Variants in AGAP1 observed in about 807,000 individuals in gnomAD.
AGAP1 encodes the protein arf-GAP with GTPase, ANK repeat and PH domain-containing protein 1.
Under a neutral mutation model 105.3 loss-of-function variants are expected in AGAP1, and 29 were observed. The ratio of observed to expected loss-of-function variants is 0.28; its 90% CI spans 0.21 to 0.38. The LOEUF (loss-of-function observed/expected upper bound fraction) is 0.38, where lower values mean the gene tolerates loss of function less well. Among genes scored for constraint, AGAP1 ranks in the 10% least tolerant of loss-of-function variants. The pLI is 1.00. For synonymous variants in AGAP1, 509 were observed against 485.9 expected, an observed-to-expected ratio of 1.05 and a Z score of -0.63; for missense variants, 998 against 1,165.1, an observed-to-expected ratio of 0.86 and a Z score of 2.09.
rs1230384583 is a variant in AGAP1 at position 235,958,032 on chromosome 2, CCT to C, written c.1484-10423_1484-10422del. Among the ~76,000 whole-genome samples, 3 of 152,286 alleles carry C rather than the reference CCT, an allele frequency of 2.0e-5. No individual in the cohort carries two copies. The highest frequency in any genetic ancestry group is 3.9e-4 in the East Asian group (2 of 5,178). The stretch of plus-strand genomic sequence containing the variant: ...CCGATACATACGTGCTTAGCATTTT[CCT>C]CTCTCTTTTCTTTTGTCTTTCTTTT... On this transcript the variant is annotated intron_variant, in intron 12 of 17. Transcript: ENST00000304032. The surrounding 1 kb of genome is among the most constrained non-coding windows in gnomAD (Gnocchi z 4.1).
rs1273044194 is a variant in AGAP1, at chr2:235,611,614, TG to T, written c.164-97564del. On this transcript the variant is annotated intron_variant, in intron 1 of 17. Coordinates refer to ENST00000304032, the MANE Select transcript of AGAP1 (RefSeq NM_001037131.3). This position sits in a 1 kb window ranked among gnomAD's most constrained non-coding sequence, Gnocchi z 5.0. ...AGAATCCCTCTCCACATGTGTTCTC[TG>T]AACAGGGAGCCCAGGGAGGCTTGGA... Among the ~76,000 whole-genome samples the T allele has an allele frequency of 1.3e-5, 2 of 152,192 alleles. No individual in the cohort carries two copies. Among genetic ancestry groups the T allele is most frequent in the Admixed American group, 1.3e-4 (2 of 15,282 alleles).
intron 11 of AGAP1, among the ~76,000 whole-genome samples, chr2:235,921,937 G>A (rs564719520): frequency 6.6e-6 from 1 of 152,180 alleles, no homozygotes; most frequent in Non-Finnish European, 1.5e-5. Context: ...TAAATCGTGT[G>A]TCTCACTTTT....
At chr2:235,804,938 T>A (rs1957764104) in intron 8 of AGAP1, among the ~76,000 whole-genome samples, 1 of 152,198 alleles carries the variant, frequency 6.6e-6, no homozygotes, top group Admixed American at 6.5e-5. Context: ...CGGAAGGATG[T>A]GCCATTAGTG....
intron 6 of AGAP1, among the ~76,000 whole-genome samples, chr2:235,762,566 G>T (rs1213880430): frequency 1.3e-5 from 2 of 152,204 alleles, no homozygotes; most frequent in Admixed American, 6.5e-5. Context: ...TTTCAACTTT[G>T]TTTTCCTAAG....
chr2:235,534,795 C>T (rs574698368), intron 1 of AGAP1, among the ~76,000 whole-genome samples: 5 of 152,272 alleles, frequency 3.3e-5, no homozygotes, highest in South Asian at 4.2e-4. Flanking sequence ...GAAGAGCCAA[C>T]GGCAGCCCGT....
intron 1 of AGAP1, among the ~76,000 whole-genome samples, chr2:235,643,964 C>T (rs1237565612): frequency 2.0e-5 from 3 of 152,130 alleles, no homozygotes; most frequent in African/African-American, 7.2e-5. Context: ...GACAGAGCCC[C>T]CGTGATGTGT....
Position 235,665,704 on chromosome 2 carries a change from C to T in AGAP1, c.164-43475C>T, listed in dbSNP as rs374486709. Among the ~76,000 whole-genome samples the T allele has an allele frequency of 1.2e-4, 19 of 152,212 alleles. No individual in the cohort carries two copies. The East Asian group carries it at 2.3e-3, about 19-fold the overall frequency. On this transcript the variant is annotated intron_variant, in intron 1 of 17. Transcript: ENST00000304032. This position sits in a 1 kb window ranked among gnomAD's most constrained non-coding sequence, Gnocchi z 5.3. ...CAGAAAATAGCCTTTGATGTACCCA[C>T]GGAGGGGCTCTTGGTGGGCTCCCGG... is the stretch of plus-strand genomic sequence containing the variant.
chr2:235,584,032 C>A (rs1244391505), intron 1 of AGAP1, among the ~76,000 whole-genome samples: 1 of 151,986 alleles, frequency 6.6e-6, no homozygotes, highest in African/African-American at 2.4e-5. Flanking sequence ...TGTTGAATTG[C>A]CCACATTGCA....
Position 235,867,572 on chromosome 2 carries a change from T to TGTGTGTGTGTGTGTGTGTGTGTGC in AGAP1, c.1051-15770_1051-15769insTGTGTGTGTGTGTGTGTGTGCGTG, listed in dbSNP as rs375110513. The stretch of plus-strand genomic sequence containing the variant: ...GTGTGTGTGTGTGTGTGTGTGTGTG[T>TGTGTGTGTGTGTGTGTGTGTGTGC]GTGCAAGTGAGGGAGGGTGACCCCC... On this transcript the variant is annotated intron_variant, in intron 9 of 17. Coordinates refer to ENST00000304032, the MANE Select transcript of AGAP1 (RefSeq NM_001037131.3). The surrounding 1 kb of genome is among the most constrained non-coding windows in gnomAD (Gnocchi z 5.4). 8.8e-5 allele frequency among the ~76,000 whole-genome samples: 13 copies of TGTGTGTGTGTGTGTGTGTGTGTGC among 148,370 alleles called. No homozygotes were observed. The highest frequency in any genetic ancestry group is 1.3e-4 in the Non-Finnish European group (9 of 67,064).
intron 2 of AGAP1, among the ~76,000 whole-genome samples, chr2:235,711,615 G>A (rs903296935): frequency 1.3e-5 from 2 of 152,170 alleles, no homozygotes; most frequent in East Asian, 1.9e-4. Flanking sequence ...GTGGATGGAC[G>A]AGATCCTGGC....
chr2:235,847,261 A>G (rs928252656), intron 9 of AGAP1, among the ~76,000 whole-genome samples: 14 of 152,238 alleles, frequency 9.2e-5, no homozygotes, highest in African/African-American at 2.9e-4. Context: ...TTTAGAAAGG[A>G]AACTGGGACT....
At position 235,747,872 on chromosome 2, in the gene AGAP1, G is replaced by A. The variant is rs1489511607; in HGVS notation, c.539-2482G>A. Among the ~76,000 whole-genome samples, 1 of 152,216 alleles carries A rather than the reference G, an allele frequency of 6.6e-6. No individual in the cohort carries two copies. Among genetic ancestry groups the A allele is most frequent in the African/African-American group, 2.4e-5 (1 of 41,460 alleles). On this transcript the variant is annotated intron_variant, in intron 5 of 17. Coordinates refer to ENST00000304032, the MANE Select transcript of AGAP1 (RefSeq NM_001037131.3). This position sits in a 1 kb window ranked among gnomAD's most constrained non-coding sequence, Gnocchi z 5.0. ...TTAGAGGTCAGAGCATATGGGATGG[G>A]AAAGAACGGAAGAGGAATTAGGTTC...
chr2:235,948,102 T>A (rs1183968947), intron 12 of AGAP1, among the ~76,000 whole-genome samples: 1 of 150,546 alleles, frequency 6.6e-6, no homozygotes, highest in Admixed American at 6.6e-5. Flanking sequence ...TTACCTGTTT[T>A]ACCTGTTCCA....
intron 9 of AGAP1, among the ~76,000 whole-genome samples, chr2:235,841,219 G>A (rs1688031192): frequency 6.6e-6 from 1 of 152,162 alleles, no homozygotes; most frequent in Non-Finnish European, 1.5e-5. Flanking sequence ...AACAGGTCTA[G>A]AAGTTATCGA....
chr2:235,986,656 A>G lies in AGAP1; in HGVS notation c.1645+18033A>G, dbSNP rs191867923. On this transcript the variant is annotated intron_variant, in intron 13 of 17. Transcript: ENST00000304032. ...TTTGAGATACATTCCATGAATACCT[A>G]GTTTATTGAAAGTTTTTAATATGAA... Among the ~76,000 whole-genome samples, 28 of 152,294 alleles carry G rather than the reference A, an allele frequency of 1.8e-4. No individual in the cohort carries two copies. In the East Asian group the frequency reaches 5.0e-3, roughly 27 times the overall value.
intron 1 of AGAP1, among the ~76,000 whole-genome samples, chr2:235,644,043 A>G (rs1178503031): frequency 6.6e-6 from 1 of 152,132 alleles, no homozygotes; most frequent in Non-Finnish European, 1.5e-5. Flanking sequence ...TCCCCTGGCC[A>G]CAAAGGGGGG....
At position 235,971,414 on chromosome 2, in the gene AGAP1, G is replaced by C. The variant is rs1235842776; in HGVS notation, c.1645+2791G>C. ...GTAAAACACCCAAATTAAACATTCT[G>C]TTCTGGCCGGGCACAGTGGCTCACG... On this transcript the variant is annotated intron_variant, in intron 13 of 17. Transcript: ENST00000304032. The surrounding 1 kb of genome is among the most constrained non-coding windows in gnomAD (Gnocchi z 4.8). Among the ~76,000 whole-genome samples, 1 of 152,210 alleles carries C rather than the reference G, an allele frequency of 6.6e-6. No homozygotes were observed. Among genetic ancestry groups the C allele is most frequent in the Non-Finnish European group, 1.5e-5 (1 of 68,042 alleles).
intron 16 of AGAP1, among the ~76,000 whole-genome samples, chr2:236,074,051 G>T (rs979484651): frequency 2.0e-4 from 31 of 152,356 alleles, no homozygotes; most frequent in Middle Eastern, 3.4e-3. Context: ...TTGTCCCAGC[G>T]TGGTGGGGGG....
chr2:235,698,186 T>G (rs955642486), intron 1 of AGAP1, among the ~76,000 whole-genome samples: 2 of 152,042 alleles, frequency 1.3e-5, no homozygotes, highest in African/African-American at 4.8e-5. Context: ...TGTGAGACTC[T>G]AATGCCGCCG....
Sources: gnomAD v4.1 joint callset for allele counts (sites outside exome capture counted in the v4.1 genomes callset) on GRCh38, gnomAD v4.1.1 for gene constraint, Gnocchi (gnomAD v3.1) non-coding constraint, MANE v1.5 for transcripts, NCBI Gene and HGNC (gene_info 2026-07-23, HGNC 2026-07-21) for gene names.